ADD3: variants seen among roughly 807,000 people sequenced by gnomAD.
ADD3 encodes the protein gamma-adducin.
Under a neutral mutation model 80.2 loss-of-function variants are expected in ADD3, and 25 were observed. The observed-to-expected ratio is 0.31, with a 90% CI of 0.23 to 0.44. The LOEUF is 0.44. Ranked by LOEUF, ADD3 falls within the 20% of genes least tolerant of loss-of-function variation. The pLI, the probability that ADD3 is intolerant of heterozygous loss-of-function variation, is 1.00. For synonymous variants in ADD3, 284 were observed against 289.6 expected (o/e 0.98, Z 0.20); for missense variants, 829 against 847.5 (o/e 0.98, Z 0.27).
chr10:110,020,883 A>G (rs1853595291), intron 1 of ADD3, among the ~76,000 whole-genome samples: 1 of 152,208 alleles, frequency 6.6e-6, no homozygotes, highest in African/African-American at 2.4e-5. Flanking sequence ...CAAAAGTCTA[A>G]GAAGGAGCAG....
intron 1 of ADD3, among the ~76,000 whole-genome samples, chr10:110,074,637 G>A (rs987686613): frequency 3.3e-5 from 5 of 151,200 alleles, no homozygotes; most frequent in African/African-American, 1.2e-4. Context: ...TTTTTAAAAT[G>A]CTATCTTTCT....
chr10:110,058,801 C>G (rs1042025402), intron 1 of ADD3, among the ~76,000 whole-genome samples: 1 of 152,128 alleles, frequency 6.6e-6, no homozygotes, highest in African/African-American at 2.4e-5. Flanking sequence ...TAATCAGCAT[C>G]TAAGTATCTA....
At chr10:110,099,334 CA>C (rs961240094) in intron 1 of ADD3, among the ~76,000 whole-genome samples, 3 of 151,854 alleles carry the variant, frequency 2.0e-5, no homozygotes, top group African/African-American at 7.3e-5. Flanking sequence ...AATATTTCTT[CA>C]AAAAAATCAA....
intron 1 of ADD3, among the ~76,000 whole-genome samples, chr10:110,054,614 CTTTTT>C (rs1217850834): frequency 1.7e-5 from 2 of 121,046 alleles, no homozygotes; most frequent in African/African-American, 3.0e-5. Context: ...GGCAAAATTT[CTTTTT>C]TTTTTTTTTT....
chr10:110,132,874 C>CTGAGGTCACG, intron 14 of ADD3: 1 of 151,242 alleles, frequency 6.6e-6, no homozygotes, highest in Non-Finnish European at 1.4e-5. Context: ...TGGCAGTGAG[C>CTGAGGTCACG]CAAGACTGCC....
At chr10:110,042,449 T>C (rs891563869) in intron 1 of ADD3, among the ~76,000 whole-genome samples, 7 of 152,178 alleles carry the variant, frequency 4.6e-5, no homozygotes, top group Non-Finnish European at 1.0e-4. Context: ...TCAAGTGACT[T>C]AGAGGTGTCT....
Position 110,112,829 on chromosome 10 carries a change from A to G in ADD3, c.248A>G (p.His83Arg), listed in dbSNP as rs779189030. ...CLIQEQMKKG[H>R]NPTGLLALQQ... ...ATTCAAGAACAGATGAAGAAAGGCC[A>G]CAACCCAACTGGATTACTAGCATTA... The change falls in exon 3 of 15, where the codon CAC becomes CGC. Residue 83 changes from histidine to arginine, a missense_variant. By Grantham distance (29) the His-to-Arg change is conservative (BLOSUM62 0). Transcript: ENST00000356080. 6.2e-7 allele frequency: 1 copy of G among 1,614,166 alleles called. No homozygotes were observed. The highest frequency in any genetic ancestry group is 8.5e-7 in the Non-Finnish European group (1 of 1,180,014).
chr10:110,105,004 A>G (rs1057193936), intron 2 of ADD3, among the ~76,000 whole-genome samples: 3 of 152,186 alleles, frequency 2.0e-5, no homozygotes, highest in African/African-American at 7.2e-5. Flanking sequence ...CCTGCTGCTT[A>G]AGTTAATTCA....
chr10:110,031,390 C>T (rs1013456838), intron 1 of ADD3, among the ~76,000 whole-genome samples: 4 of 152,322 alleles, frequency 2.6e-5, no homozygotes, highest in South Asian at 4.1e-4. Context: ...TCAGTTCCAC[C>T]GGATTTATAT....
At chr10:110,123,249 G>A (rs1243782639) in intron 9 of ADD3, among the ~76,000 whole-genome samples, 4 of 152,056 alleles carry the variant, frequency 2.6e-5, no homozygotes, top group Non-Finnish European at 5.9e-5. Context: ...GAGACTGTTG[G>A]GTGATATGGT....
In ADD3 at chr10:110,118,648, A is replaced by G. The variant is rs985765905; in HGVS notation, c.629A>G (p.His210Arg). The change falls in exon 6 of 15, where the codon CAT (histidine) becomes CGT (arginine). Residue 210 changes from histidine (H) to arginine (R), a missense_variant. Transcript: ENST00000356080. ...DQGSTNLKID[H>R]TGFSPHAAIY... ...GGAAGTACCAATTTGAAAATTGACC[A>G]TACAGGATTCAGTCCCCATGCTGCA... The G allele has an allele frequency of 6.2e-6, 10 of 1,613,768 alleles. No individual in the cohort carries two copies. Among genetic ancestry groups the G allele is most frequent in the South Asian group, 1.1e-5 (1 of 91,092 alleles).
At chr10:110,010,781 A>G (rs1342475256) in intron 1 of ADD3, among the ~76,000 whole-genome samples, 1 of 152,196 alleles carries the variant, frequency 6.6e-6, no homozygotes, top group East Asian at 1.9e-4. Context: ...GTCTGGCCCA[A>G]GAGTGAGCCC....
chr10:110,049,034 G>A (rs1340866555), intron 1 of ADD3, among the ~76,000 whole-genome samples: 1 of 152,204 alleles, frequency 6.6e-6, no homozygotes, highest in Non-Finnish European at 1.5e-5. Flanking sequence ...GCAACCTAGG[G>A]ACTTGGTGCC....
chr10:110,109,202 G>A (rs1409154958), intron 2 of ADD3, among the ~76,000 whole-genome samples: 1 of 151,878 alleles, frequency 6.6e-6, no homozygotes, highest in Non-Finnish European at 1.5e-5. Flanking sequence ...AATAAATTGT[G>A]ATTCTCTTGA....
intron 1 of ADD3, among the ~76,000 whole-genome samples, chr10:110,037,882 C>T (rs1855849940): frequency 6.6e-6 from 1 of 151,548 alleles, no homozygotes; most frequent in Non-Finnish European, 1.5e-5. Context: ...GCCAGATCAA[C>T]ATGGAGAAAC....
At chr10:110,090,124 G>T (rs906369048) in intron 1 of ADD3, among the ~76,000 whole-genome samples, 2 of 147,882 alleles carry the variant, frequency 1.4e-5, no homozygotes, top group African/African-American at 2.7e-5. Context: ...TGACACAGAG[G>T]TTAGACTGAT....
At chr10:110,043,810 A>C (rs1379760040) in intron 1 of ADD3, among the ~76,000 whole-genome samples, 1 of 152,232 alleles carries the variant, frequency 6.6e-6, no homozygotes, top group Non-Finnish European at 1.5e-5. Flanking sequence ...TGTGTGGTTA[A>C]ATAACTACAG....
chr10:110,121,899 G>T (rs1388336117), intron 8 of ADD3: 2 of 417,542 alleles, frequency 4.8e-6, no homozygotes, highest in Non-Finnish European at 8.4e-6. Context: ...CATCAGGGAG[G>T]ATCAGAGTCT....
intron 1 of ADD3, among the ~76,000 whole-genome samples, chr10:110,052,465 C>T (rs924828802): frequency 2.6e-5 from 4 of 152,124 alleles, no homozygotes; most frequent in African/African-American, 7.2e-5. Context: ...TTGTGAACTG[C>T]GCATTCAAGG....
Sources: gnomAD v4.1 joint callset for allele counts (sites outside exome capture counted in the v4.1 genomes callset) on GRCh38, gnomAD v4.1.1 for gene constraint, MANE v1.5 for transcripts, NCBI Gene and HGNC (gene_info 2026-07-23, HGNC 2026-07-21) for gene names.